PHTF1: variants seen among roughly 807,000 people sequenced by gnomAD.
PHTF1 encodes the protein putative homeodomain transcription factor 1, also known as protein PHTF1.
In PHTF1, 88 loss-of-function variants were observed where a neutral mutation model predicts 102.4. That is an observed-to-expected ratio of 0.86 (90% CI 0.72 to 1.03). The LOEUF (loss-of-function observed/expected upper bound fraction) is 1.03, where lower values mean the gene tolerates loss of function less well. Among genes scored for constraint, PHTF1 ranks in the 50% least tolerant of loss-of-function variants. PHTF1 has a pLI of 0.00. For missense variants in PHTF1, 814 were observed against 909.5 expected, an observed-to-expected ratio of 0.89 and a Z score of 1.35; for synonymous variants, 289 against 305.2, an observed-to-expected ratio of 0.95 and a Z score of 0.55.
At chr1:113,699,648 G>T in intron 17 of PHTF1, 56 bp downstream of exon 17, 1 of 792,128 alleles carries the variant, frequency 1.3e-6, no homozygotes, top group South Asian at 1.5e-5. Flanking sequence ...TTTTCTTAGA[G>T]AAAAGACTGA....
rs76178800 is a variant in PHTF1, at chr1:113,706,778, T to C, written c.1270-56A>G. ...CCATGCCCTCTTGCCTCCATTAGTT[T>C]TTCTTTCCCAGGCTCCATTCATTTG... On this transcript the variant is annotated intron_variant, in intron 11 of 18. Transcript: ENST00000369604. 4,767 of 1,348,946 alleles carry C rather than the reference T, an allele frequency of 3.5e-3. 16 individuals are homozygous for C. Among genetic ancestry groups the C allele is most frequent in the Admixed American group, 4.9e-3 (233 of 47,930 alleles). The allele number at this position is 1,348,946 out of a possible 1,614,324, so 83.6% of individuals were successfully genotyped here.
intron 15 of PHTF1, among the ~76,000 whole-genome samples, chr1:113,702,410 A>ACT (rs1649546333): frequency 6.6e-6 from 1 of 152,054 alleles, no homozygotes; most frequent in African/African-American, 2.4e-5. Flanking sequence ...CATTAAGTTT[A>ACT]AATGGGCCAG....
chr1:113,749,048 T>C (rs1358228184), intron 3 of PHTF1, among the ~76,000 whole-genome samples: 1 of 152,224 alleles, frequency 6.6e-6, no homozygotes, highest in East Asian at 1.9e-4. Context: ...GAACACTTAA[T>C]ATCCACTCTC....
intron 11 of PHTF1, among the ~76,000 whole-genome samples, chr1:113,708,614 CAG>C (rs929271614): frequency 2.6e-5 from 4 of 151,590 alleles, no homozygotes; most frequent in Non-Finnish European, 5.9e-5. Flanking sequence ...GCCTGGGTGA[CAG>C]AGTAAGACTC....
In PHTF1 at chr1:113,758,106, G is replaced by A. The variant is rs982951825; in HGVS notation, c.46-351C>T. On this transcript the variant is annotated intron_variant, in intron 2 of 18. Transcript: ENST00000369604. Reference sequence around the variant, plus strand: ...CTACTAAAAATACAAAAAATTAGCCGGGCGTGGTGGTGGGCGCCTGTGATC... The same window carrying A: ...CTACTAAAAATACAAAAAATTAGCCAGGCGTGGTGGTGGGCGCCTGTGATC... Among the ~76,000 whole-genome samples the A allele has an allele frequency of 2.6e-5, 4 of 151,834 alleles. No individual in the cohort carries two copies. In the East Asian group the frequency reaches 5.8e-4, roughly 22 times the overall value.
intron 7 of PHTF1, among the ~76,000 whole-genome samples, chr1:113,716,634 G>A (rs1203377503): frequency 2.6e-5 from 4 of 152,060 alleles, no homozygotes; most frequent in Non-Finnish European, 5.9e-5. Context: ...ATAGGCCTGA[G>A]CCACTATGTC....
At chr1:113,706,806 AAC>A in intron 11 of PHTF1, 84 bp from the exon 12 acceptor site, 1 of 914,062 alleles carries the variant, frequency 1.1e-6, no homozygotes, top group Non-Finnish European at 1.7e-6. Context: ...TTCATTTGCC[AAC>A]ACTCTAATAA....
At chr1:113,722,939 T>C (rs1653200864) in intron 7 of PHTF1, among the ~76,000 whole-genome samples, 1 of 146,062 alleles carries the variant, frequency 6.8e-6, no homozygotes, top group Non-Finnish European at 1.5e-5. Flanking sequence ...AATAAATAAA[T>C]AAATAAATAA....
intron 15 of PHTF1, among the ~76,000 whole-genome samples, chr1:113,703,560 T>C (rs946329698): frequency 3.9e-5 from 6 of 152,096 alleles, no homozygotes; most frequent in African/African-American, 1.4e-4. Context: ...GGGTCCTCAT[T>C]ATGTTGCCCA....
intron 7 of PHTF1, among the ~76,000 whole-genome samples, chr1:113,720,533 T>C (rs904467813): frequency 1.3e-5 from 2 of 152,286 alleles, no homozygotes; most frequent in Non-Finnish European, 2.9e-5. Flanking sequence ...GGATATACCA[T>C]ATTATAGCCA....
chr1:113,740,084 T>A (rs1656124502), intron 3 of PHTF1, among the ~76,000 whole-genome samples: 1 of 152,208 alleles, frequency 6.6e-6, no homozygotes, highest in Admixed American at 6.5e-5. Flanking sequence ...TTTCCTTCCT[T>A]TGGATATATA....
chr1:113,741,771 A>C (rs761016959), intron 3 of PHTF1, among the ~76,000 whole-genome samples: 6 of 152,154 alleles, frequency 3.9e-5, no homozygotes, highest in Non-Finnish European at 8.8e-5. Context: ...TCTATCTTCA[A>C]AGAATGTACA....
intron 5 of PHTF1, among the ~76,000 whole-genome samples, chr1:113,729,040 C>T (rs4839341): frequency 0.1 from 15,834 of 152,068 alleles, 1,077 homozygotes; most frequent in East Asian, 0.23. Context: ...AGCAGATGAA[C>T]GGATAAAGAA....
intron 15 of PHTF1, among the ~76,000 whole-genome samples, chr1:113,703,248 T>C (rs1649644378): frequency 6.6e-6 from 1 of 152,212 alleles, no homozygotes; most frequent in South Asian, 2.1e-4. Context: ...TAAAACTGAA[T>C]GTATGCTGGA....
At chr1:113,709,291 T>A (rs960602651) in intron 11 of PHTF1, among the ~76,000 whole-genome samples, 5 of 152,200 alleles carry the variant, frequency 3.3e-5, no homozygotes, top group African/African-American at 1.2e-4. Context: ...TTTTTAAAAA[T>A]TATATACATT....
chr1:113,704,005 G>A (rs1220805494), intron 15 of PHTF1, 76 bp downstream of exon 15: 1 of 855,418 alleles, frequency 1.2e-6, no homozygotes, highest in East Asian at 2.6e-5. Context: ...TAAGGACAGT[G>A]ACCTAAGTCT....
At chr1:113,744,967 G>C (rs1186265794) in intron 3 of PHTF1, among the ~76,000 whole-genome samples, 2 of 149,892 alleles carry the variant, frequency 1.3e-5, no homozygotes, top group Non-Finnish European at 3.0e-5. Context: ...GGAATGGAAG[G>C]GAAGGGGAGG....
At chr1:113,710,603 A>AT (rs1413585591) in intron 10 of PHTF1, 128 bp from the exon 11 acceptor site, 1 of 664,468 alleles carries the variant, frequency 1.5e-6, no homozygotes. Flanking sequence ...CCATGAATTC[A>AT]TTTTTTCACA....
Position 113,697,743 on chromosome 1 carries a change from C to T in PHTF1, c.2269-18G>A. ...TTCCACAGCTAAGAGAACAAAATCA[C>T]CAAAATAAGTTAGTTCTAGGAAAAC... On this transcript the variant is annotated intron_variant, in intron 18 of 18. Coordinates refer to ENST00000369604, the MANE Select transcript of PHTF1 (RefSeq NM_001323043.2). The T allele has an allele frequency of 1.9e-6, 3 of 1,593,416 alleles. No homozygotes were observed. The highest frequency in any genetic ancestry group is 2.6e-6 in the Non-Finnish European group (3 of 1,161,630).
Sources: allele counts gnomAD v4.1 joint callset (sites outside exome capture counted in the v4.1 genomes callset), GRCh38; gene constraint gnomAD v4.1.1; transcripts MANE v1.5; gene names NCBI Gene and HGNC (gene_info 2026-07-23, HGNC 2026-07-21).